The following CYP20A1 variants were observed in gnomAD, a reference collection of about 807,000 sequenced individuals.
CYP20A1 encodes the protein cytochrome P450 family 20 subfamily A member 1.
In CYP20A1, 61 loss-of-function variants were observed where a neutral mutation model predicts 61.4. That is an observed-to-expected ratio of 0.99 (90% confidence interval 0.81 to 1.23). The LOEUF is 1.23. Among genes scored for constraint, CYP20A1 ranks in the 50% most tolerant of loss-of-function variants. The pLI is 0.00. For missense variants in CYP20A1, 530 were observed against 542.4 expected, an observed-to-expected ratio of 0.98 and a Z score of 0.23; for synonymous variants, 193 against 188.2, an observed-to-expected ratio of 1.03 and a Z score of -0.21.
chr2:203,247,278 T>C (rs968390858), intron 3 of CYP20A1, among the ~76,000 whole-genome samples: 4 of 151,852 alleles, frequency 2.6e-5, no homozygotes, highest in African/African-American at 9.7e-5. Flanking sequence ...AAAAAAGAAT[T>C]AATGTTTATA....
Position 203,302,351 on chromosome 2 carries a change from G to A in CYP20A1, c.*5443G>A, listed in dbSNP as rs2069055586. Among the ~76,000 whole-genome samples the A allele has an allele frequency of 6.6e-6, 1 of 152,154 alleles. No homozygotes were observed. The highest frequency in any genetic ancestry group is 2.4e-5 in the African/African-American group (1 of 41,452). On this transcript the variant is annotated 3_prime_UTR_variant, in exon 13 of 13. Coordinates refer to ENST00000356079, the MANE Select transcript of CYP20A1 (RefSeq NM_177538.3). Reference sequence around the variant, plus strand: ...AGTTTGAGACCAGCCTGGGCAACGTGGCAAAAGCTTGTTTCTATAAAAAAA... The same window carrying A: ...AGTTTGAGACCAGCCTGGGCAACGTAGCAAAAGCTTGTTTCTATAAAAAAA...
At position 203,302,595 on chromosome 2, in the gene CYP20A1, A is replaced by G. The variant is rs1467050333; in HGVS notation, c.*5687A>G. Among the ~76,000 whole-genome samples the G allele has an allele frequency of 6.6e-6, 1 of 152,202 alleles. No individual in the cohort carries two copies. The highest frequency in any genetic ancestry group is 1.5e-5 in the Non-Finnish European group (1 of 68,046). On this transcript the variant is annotated 3_prime_UTR_variant, in exon 13 of 13. Coordinates refer to ENST00000356079, the MANE Select transcript of CYP20A1 (RefSeq NM_177538.3). ...GTAATTTATATATATTATACAAAAT[A>G]TTATTTGCATTTAACATATTCTGAA...
intron 3 of CYP20A1, among the ~76,000 whole-genome samples, chr2:203,251,373 G>A (rs970798563): frequency 1.3e-5 from 2 of 151,822 alleles, no homozygotes; most frequent in Admixed American, 6.6e-5. Flanking sequence ...TTATAGTTAT[G>A]TAGGTAGAAA....
At chr2:203,269,106 T>G (rs996665985) in intron 5 of CYP20A1, among the ~76,000 whole-genome samples, 1 of 152,180 alleles carries the variant, frequency 6.6e-6, no homozygotes, top group Non-Finnish European at 1.5e-5. Context: ...GTGCTCTTAC[T>G]CTGTACTTTT....
chr2:203,248,040 A>C (rs949711779), intron 3 of CYP20A1, among the ~76,000 whole-genome samples: 3 of 152,140 alleles, frequency 2.0e-5, no homozygotes, highest in African/African-American at 7.2e-5. Flanking sequence ...AGTCTGGGCA[A>C]CATAGTGAGA....
chr2:203,282,224 G>A (rs1465492294), intron 8 of CYP20A1, among the ~76,000 whole-genome samples: 2 of 151,878 alleles, frequency 1.3e-5, no homozygotes, highest in African/African-American at 2.4e-5. Context: ...TTTAAGTAGA[G>A]ACCATGTTGG....
At chr2:203,249,705 C>T in intron 3 of CYP20A1, among the ~76,000 whole-genome samples, 1 of 151,964 alleles carries the variant, frequency 6.6e-6, no homozygotes, top group East Asian at 1.9e-4. Context: ...ATTAGCTGAG[C>T]ATGGTGGCAG....
At chr2:203,279,519 G>GGT (rs1056920265) in intron 7 of CYP20A1, among the ~76,000 whole-genome samples, 9 of 152,118 alleles carry the variant, frequency 5.9e-5, no homozygotes, top group African/African-American at 1.9e-4. Context: ...AGGCCAGTGA[G>GGT]GTGAGTTGTT....
intron 7 of CYP20A1, among the ~76,000 whole-genome samples, chr2:203,279,006 C>T (rs1372358560): frequency 3.9e-5 from 6 of 152,054 alleles, no homozygotes; most frequent in Non-Finnish European, 8.8e-5. Context: ...CGCTATGTCG[C>T]CCGGCTGGAG....
chr2:203,291,799 G>C (rs1255126775), intron 10 of CYP20A1, among the ~76,000 whole-genome samples: 2 of 151,866 alleles, frequency 1.3e-5, no homozygotes. Flanking sequence ...TTTAACATTA[G>C]GTATATCTCC....
intron 4 of CYP20A1, among the ~76,000 whole-genome samples, chr2:203,266,075 A>G (rs1402540224): frequency 2.0e-5 from 3 of 152,178 alleles, no homozygotes; most frequent in Non-Finnish European, 4.4e-5. Context: ...GGAATGACAA[A>G]GAGACTCTGA....
rs897770616 is a variant in CYP20A1, at chr2:203,303,663, C to T, written c.*6755C>T. 6.6e-6 allele frequency among the ~76,000 whole-genome samples: 1 copy of T among 151,724 alleles called. No individual in the cohort carries two copies. The highest frequency in any genetic ancestry group is 1.5e-5 in the Non-Finnish European group (1 of 67,956). ...TGAGCCGAGATCGCGCCATTGCACT[C>T]CAGTGTGGGTGACGAGCGAAAATCC... On this transcript the variant is annotated 3_prime_UTR_variant, in exon 13 of 13. Transcript: ENST00000356079.
intron 6 of CYP20A1, 32 bp downstream of exon 6, chr2:203,272,780 CA>C: frequency 2.3e-6 from 3 of 1,316,550 alleles, no homozygotes; most frequent in South Asian, 2.6e-5. Flanking sequence ...TTAGTGAGGA[CA>C]AAAAATAAAT....
At chr2:203,283,975 G>A (rs1193938848) in intron 8 of CYP20A1, among the ~76,000 whole-genome samples, 3 of 152,072 alleles carry the variant, frequency 2.0e-5, no homozygotes, top group Admixed American at 6.6e-5. Context: ...CATACATATT[G>A]TACACTGCAC....
chr2:203,270,736 CTT>C (rs551427259), intron 5 of CYP20A1, among the ~76,000 whole-genome samples: 8 of 127,942 alleles, frequency 6.3e-5, no homozygotes, highest in Non-Finnish European at 8.4e-5. Flanking sequence ...TTTTTTTTTT[CTT>C]TTTTTTTTTT....
chr2:203,264,981 G>A (rs778417742), intron 4 of CYP20A1, among the ~76,000 whole-genome samples: 4 of 152,076 alleles, frequency 2.6e-5, no homozygotes, highest in Non-Finnish European at 4.4e-5. Context: ...TGCCCACCTC[G>A]GCCTCCCAAA....
At position 203,269,497 on chromosome 2, in the gene CYP20A1, CT is replaced by C. The variant is rs373653086; in HGVS notation, c.600+2830del. On this transcript the variant is annotated intron_variant, in intron 5 of 12. Transcript: ENST00000356079. ...CATTTTATGATTGAAATATATAGTT[CT>C]TTTTTTTTTTTTTGAGACGGAGTTT... Among the ~76,000 whole-genome samples, 1,078 of 139,414 alleles carry C rather than the reference CT, an allele frequency of 7.7e-3. 5 individuals are homozygous for C. The highest frequency in any genetic ancestry group is 0.011 in the Non-Finnish European group (710 of 65,006). 91.5% of individuals were successfully genotyped at this position (139,414 alleles called of 152,430 possible).
At chr2:203,255,490 C>G (rs527936667) in intron 4 of CYP20A1, among the ~76,000 whole-genome samples, 2 of 152,044 alleles carry the variant, frequency 1.3e-5, no homozygotes, top group African/African-American at 4.8e-5. Context: ...AAAGTCAGAG[C>G]CTATACTCAC....
At chr2:203,263,116 G>A (rs899224777) in intron 4 of CYP20A1, among the ~76,000 whole-genome samples, 11 of 151,730 alleles carry the variant, frequency 7.2e-5, no homozygotes, top group Non-Finnish European at 1.2e-4. Flanking sequence ...AGCCGCCCTA[G>A]TAGCTGGGAT....
Sources: allele counts gnomAD v4.1 joint callset (sites outside exome capture counted in the v4.1 genomes callset), GRCh38; gene constraint gnomAD v4.1.1; transcripts MANE v1.5; gene names NCBI Gene and HGNC (gene_info 2026-07-23, HGNC 2026-07-21).